RBM46: variants seen among roughly 807,000 people sequenced by gnomAD.
RBM46 encodes RNA binding motif protein 46, also known as probable RNA-binding protein 46.
In RBM46, 12 loss-of-function variants were observed where a neutral mutation model predicts 43.3. The ratio of observed to expected loss-of-function variants is 0.28; its 90% CI spans 0.18 to 0.45. The LOEUF is 0.45. Ranked by LOEUF, RBM46 falls within the 20% of genes least tolerant of loss-of-function variation. The pLI is 1.00. For synonymous variants in RBM46, 205 were observed against 207.6 expected (o/e 0.99, Z 0.11); for missense variants, 412 against 639.1 (o/e 0.64, Z 3.83).
intron 1 of RBM46, among the ~76,000 whole-genome samples, chr4:154,787,897 C>T (rs1044967642): frequency 6.6e-6 from 1 of 152,166 alleles, no homozygotes; most frequent in African/African-American, 2.4e-5. Context: ...GAGATGGTAT[C>T]TCATTGTGGT....
chr4:154,784,623 A>T (rs1217477964), intron 1 of RBM46, among the ~76,000 whole-genome samples: 1 of 152,198 alleles, frequency 6.6e-6, no homozygotes, highest in East Asian at 1.9e-4. Flanking sequence ...ACATATCTGA[A>T]AGCTAGAGTT....
chr4:154,823,611 G>A (rs965132399), intron 4 of RBM46, among the ~76,000 whole-genome samples: 5 of 151,908 alleles, frequency 3.3e-5, no homozygotes, highest in Non-Finnish European at 7.4e-5. Context: ...AATTAGTGGT[G>A]TTTGGTCAAG....
chr4:154,828,349 C>T lies in RBM46; in HGVS notation c.*282C>T. 3.2e-6 allele frequency: 1 copy of T among 311,400 alleles called. No individual in the cohort carries two copies. Among genetic ancestry groups the T allele is most frequent in the Non-Finnish European group, 5.8e-6 (1 of 171,452 alleles). 19.3% of individuals were successfully genotyped at this position (311,400 alleles called of 1,614,324 possible). On this transcript the variant is annotated 3_prime_UTR_variant, in exon 5 of 5. Coordinates refer to ENST00000281722, the MANE Select transcript of RBM46 (RefSeq NM_144979.5). ...GATTTTCTTCTACTTTCTGAGTGGG[C>T]AATAGAACCTAGTCATTTATGTTTT...
rs141647360 is a variant in RBM46, at chr4:154,808,314, T to A, written c.1402+8750T>A. Reference sequence around the variant, plus strand: ...TTGTTGACCTATGCTTTACTTTTTCTTTTGTGCAATTTGATTGTCCTTCCA... The same window carrying A: ...TTGTTGACCTATGCTTTACTTTTTCATTTGTGCAATTTGATTGTCCTTCCA... On this transcript the variant is annotated intron_variant, in intron 4 of 4. Coordinates refer to ENST00000281722, the MANE Select transcript of RBM46 (RefSeq NM_144979.5). 3.1e-3 allele frequency among the ~76,000 whole-genome samples: 473 copies of A among 152,204 alleles called. 5 individuals carry two copies. The highest frequency in any genetic ancestry group is 0.011 in the African/African-American group (443 of 41,574).
intron 1 of RBM46, chr4:154,790,482 C>T (rs955373918): frequency 3.3e-5 from 5 of 152,114 alleles, no homozygotes; most frequent in Non-Finnish European, 7.3e-5. Context: ...TGGTGCATTC[C>T]CCTCGGGGGA....
chr4:154,788,801 C>A (rs769739404), intron 1 of RBM46, among the ~76,000 whole-genome samples: 2 of 152,122 alleles, frequency 1.3e-5, no homozygotes, highest in South Asian at 4.1e-4. Flanking sequence ...TGTATTGATT[C>A]TTCCTATCCA....
chr4:154,802,886 T>A (rs1480371826), intron 4 of RBM46, among the ~76,000 whole-genome samples: 1 of 152,222 alleles, frequency 6.6e-6, no homozygotes, highest in Non-Finnish European at 1.5e-5. Flanking sequence ...TCTTTTACTA[T>A]CATATGTGAT....
chr4:154,782,995 G>A (rs1002194423), intron 1 of RBM46, among the ~76,000 whole-genome samples: 1 of 152,166 alleles, frequency 6.6e-6, no homozygotes, highest in Non-Finnish European at 1.5e-5. Context: ...CTTCCATTTG[G>A]ATCTTTTCAG....
chr4:154,813,555 A>G (rs1330359660), intron 4 of RBM46, among the ~76,000 whole-genome samples: 2 of 152,048 alleles, frequency 1.3e-5, no homozygotes, highest in Non-Finnish European at 2.9e-5. Flanking sequence ...GCAATTTTTA[A>G]ATTTCTTTTA....
intron 4 of RBM46, among the ~76,000 whole-genome samples, chr4:154,811,661 G>GTGTGTC (rs1425282463): frequency 4.2e-4 from 52 of 125,150 alleles, no homozygotes; most frequent in African/African-American, 1.5e-3. Context: ...ATGTGTGTGT[G>GTGTGTC]TGTGTGTCTG....
intron 4 of RBM46, among the ~76,000 whole-genome samples, chr4:154,826,149 T>TA (rs370010655): frequency 0.014 from 1,956 of 139,042 alleles, 35 homozygotes; most frequent in African/African-American, 0.047. Context: ...TGGATCCTTT[T>TA]AAAAAAAAAA....
chr4:154,811,700 T>TGTGTGTGTGTGA (rs1186984712), intron 4 of RBM46, among the ~76,000 whole-genome samples: 1 of 150,056 alleles, frequency 6.7e-6, no homozygotes, highest in African/African-American at 2.5e-5. Flanking sequence ...TGTGTGTGTG[T>TGTGTGTGTGTGA]GACAGAGTTT....
At chr4:154,815,597 A>G (rs899392739) in intron 4 of RBM46, among the ~76,000 whole-genome samples, 5 of 151,920 alleles carry the variant, frequency 3.3e-5, no homozygotes, top group Non-Finnish European at 5.9e-5. Context: ...GCATTACGCT[A>G]TTGTATTGGT....
At chr4:154,799,866 T>G (rs1040405543) in intron 4 of RBM46, among the ~76,000 whole-genome samples, 2 of 151,826 alleles carry the variant, frequency 1.3e-5, no homozygotes, top group South Asian at 4.1e-4. Flanking sequence ...TTCAGGCGAT[T>G]CTCCTGCCTC....
intron 1 of RBM46, among the ~76,000 whole-genome samples, chr4:154,785,787 G>T (rs936879209): frequency 2.6e-5 from 4 of 152,106 alleles, no homozygotes; most frequent in Admixed American, 6.5e-5. Context: ...AATTTCTGAG[G>T]CTCCATGGTT....
At chr4:154,788,447 G>T (rs551149410) in intron 1 of RBM46, among the ~76,000 whole-genome samples, 1 of 139,566 alleles carries the variant, frequency 7.2e-6, no homozygotes. Flanking sequence ...ATAGGGAATC[G>T]TTTCCCCATT....
Position 154,796,847 on chromosome 4 carries a change from C to G in RBM46, c.95C>G (p.Thr32Ser), listed in dbSNP as rs1423571940. 6.2e-7 allele frequency: 1 copy of G among 1,613,820 alleles called. No homozygotes were observed. The highest frequency in any genetic ancestry group is 8.5e-7 in the Non-Finnish European group (1 of 1,179,878). The change falls in exon 2 of 5, where the codon ACT (threonine) becomes AGT (serine). Residue 32 changes from threonine (T) to serine (S), a missense_variant. Coordinates refer to ENST00000281722, the MANE Select transcript of RBM46 (RefSeq NM_144979.5). ...GCATTACTTGCTTTGATGGAAAAGA[C>G]TGGTTACAACATGGTTCAGGAAAAT... is the stretch of plus-strand genomic sequence containing the variant. ...EAALLALMEK[T>S]GYNMVQENGQ...
chr4:154,810,823 A>G (rs781443940), intron 4 of RBM46, among the ~76,000 whole-genome samples: 3 of 152,208 alleles, frequency 2.0e-5, no homozygotes, highest in Non-Finnish European at 1.5e-5. Flanking sequence ...TGAGAAATTT[A>G]CTTTTTAATT....
intron 4 of RBM46, among the ~76,000 whole-genome samples, chr4:154,801,441 AT>A (rs1162111913): frequency 1.8e-4 from 28 of 152,170 alleles, no homozygotes; most frequent in African/African-American, 6.0e-4. Context: ...GAAGCCTTCA[AT>A]TTTACTTTCA....
Sources: gnomAD v4.1 joint callset for allele counts (sites outside exome capture counted in the v4.1 genomes callset) on GRCh38, gnomAD v4.1.1 for gene constraint, MANE v1.5 for transcripts, NCBI Gene and HGNC (gene_info 2026-07-23, HGNC 2026-07-21) for gene names.